The following PXDNL variants were observed in gnomAD, a reference collection of about 807,000 sequenced individuals.
The protein encoded by PXDNL is peroxidasin like, also known as probable oxidoreductase PXDNL.
PXDNL carries 145 observed loss-of-function variants against 150.8 expected under a neutral mutation model. The observed-to-expected ratio is 0.96, with a 90% CI of 0.84 to 1.10. The LOEUF is 1.10. PXDNL is among the 50% of genes least tolerant of loss of function. The pLI, the probability that PXDNL is intolerant of heterozygous loss-of-function variation, is 0.00. For synonymous variants in PXDNL, 757 were observed against 725.7 expected (o/e 1.04, Z -0.69); for missense variants, 2,087 against 1,873.9 (o/e 1.11, Z -2.10).
At chr8:51,766,536 C>G (rs1386056806) in intron 1 of PXDNL, among the ~76,000 whole-genome samples, 1 of 152,104 alleles carries the variant, frequency 6.6e-6, no homozygotes, top group African/African-American at 2.4e-5. Flanking sequence ...GTGATTAATC[C>G]TCTCCATATC....
chr8:51,562,048 A>ATTGCT lies in PXDNL; in HGVS notation c.309-5138_309-5137insAGCAA, dbSNP rs1812730329. ...TCATTGTTCTTTTTCATATTTCAAT[A>ATTGCT]TTTTCTAAGATGATTATATATTGAT... On this transcript the variant is annotated intron_variant, in intron 3 of 22. Transcript: ENST00000356297. 7.3e-5 allele frequency among the ~76,000 whole-genome samples: 11 copies of ATTGCT among 151,490 alleles called. 1 individual carries two copies. Among genetic ancestry groups the ATTGCT allele is most frequent in the Admixed American group, 7.3e-4 (11 of 15,162 alleles).
At chr8:51,760,335 A>T (rs2037147954) in intron 1 of PXDNL, among the ~76,000 whole-genome samples, 2 of 152,202 alleles carry the variant, frequency 1.3e-5, no homozygotes, top group Admixed American at 1.3e-4. Flanking sequence ...AAGCTCACAA[A>T]GTAGTATGGT....
Position 51,408,316 on chromosome 8 carries a change from C to A in PXDNL, c.3308G>T (p.Gly1103Val), listed in dbSNP as rs771522359. 6.2e-7 allele frequency: 1 copy of A among 1,613,998 alleles called. No homozygotes were observed. The highest frequency in any genetic ancestry group is 2.2e-5 in the East Asian group (1 of 44,874). ...CCATTTAGCAGCCACGCCAAACAGC[C>A]CCCGGAGAACCGGGTCTATCCCACC... ...KEGGIDPVLR[G>V]LFGVAAKWRA... The change falls in exon 17 of 23, where the codon GGG becomes GTG. Residue 1103 changes from glycine (G) to valine (V), a missense_variant. Gly to Val is a moderately radical substitution (Grantham distance 109, BLOSUM62 -3). Transcript: ENST00000356297.
Position 51,408,370 on chromosome 8 carries a change from A to G in PXDNL, c.3254T>C (p.Leu1085Pro), listed in dbSNP as rs1189714745. 8.1e-6 allele frequency: 13 copies of G among 1,614,042 alleles called. No homozygotes were observed. The highest frequency in any genetic ancestry group is 3.3e-5 in the Admixed American group (2 of 60,032). Residue 1085 changes from leucine (L) to proline (P), a missense_variant, in exon 17 of 23, where the codon CTC becomes CCC. By Grantham distance (98) the Leu-to-Pro change is moderately conservative. Transcript: ENST00000356297. ...CTTGATTATTCTGGACGGTGAAAAG[A>G]GCGCTTTATGGAACGGAAGGTGGCC... ...SEGHLPFHKA[L>P]FSPSRIIKEG...
At chr8:51,510,530 C>T (rs190631550) in intron 4 of PXDNL, among the ~76,000 whole-genome samples, 2 of 152,206 alleles carry the variant, frequency 1.3e-5, no homozygotes, top group Admixed American at 6.5e-5. Context: ...ACAGCAGGGG[C>T]ATAGGACAAA....
chr8:51,596,301 G>A (rs964763627), intron 2 of PXDNL, among the ~76,000 whole-genome samples: 3 of 152,150 alleles, frequency 2.0e-5, no homozygotes, highest in African/African-American at 7.2e-5. Context: ...GTCTACCACT[G>A]ATGAACACCT....
intron 2 of PXDNL, among the ~76,000 whole-genome samples, chr8:51,639,219 T>C (rs1486527600): frequency 3.9e-5 from 6 of 152,158 alleles, no homozygotes; most frequent in African/African-American, 9.7e-5. Context: ...GAGGGAAATT[T>C]ATAGCACTAA....
intron 1 of PXDNL, among the ~76,000 whole-genome samples, chr8:51,707,278 C>G (rs1026597650): frequency 2.6e-5 from 4 of 152,142 alleles, no homozygotes; most frequent in African/African-American, 9.7e-5. Flanking sequence ...TTTAGACAAG[C>G]ATGCTTTCAA....
chr8:51,375,989 C>T (rs753072567), intron 17 of PXDNL, among the ~76,000 whole-genome samples: 2 of 152,180 alleles, frequency 1.3e-5, no homozygotes, highest in Non-Finnish European at 2.9e-5. Flanking sequence ...GTTTGCAGAT[C>T]CCTGCTCTAG....
chr8:51,535,917 C>G (rs1465984566), intron 4 of PXDNL, among the ~76,000 whole-genome samples: 1 of 152,188 alleles, frequency 6.6e-6, no homozygotes, highest in Non-Finnish European at 1.5e-5. Context: ...TGCATTCGCT[C>G]TCTTTTACTG....
intron 5 of PXDNL, among the ~76,000 whole-genome samples, chr8:51,490,179 A>AT (rs1360357799): frequency 6.6e-6 from 1 of 152,228 alleles, no homozygotes; most frequent in East Asian, 1.9e-4. Flanking sequence ...ACATGACATT[A>AT]TTTTAAATAA....
intron 12 of PXDNL, among the ~76,000 whole-genome samples, chr8:51,443,839 G>A (rs1189919406): frequency 6.6e-6 from 1 of 152,108 alleles, no homozygotes; most frequent in African/African-American, 2.4e-5. Flanking sequence ...TCAGATAACT[G>A]TAAACATTCC....
chr8:51,571,908 C>T (rs749903502), intron 3 of PXDNL, among the ~76,000 whole-genome samples: 1 of 151,784 alleles, frequency 6.6e-6, no homozygotes, highest in Non-Finnish European at 1.5e-5. Context: ...AAACAATGAT[C>T]AAGAAATGTG....
intron 17 of PXDNL, among the ~76,000 whole-genome samples, chr8:51,388,819 T>A (rs866303612): frequency 6.6e-6 from 1 of 152,216 alleles, no homozygotes; most frequent in Non-Finnish European, 1.5e-5. Flanking sequence ...TCACTATTTT[T>A]TTAATTCAGC....
At chr8:51,696,805 T>TCACACACA (rs769772282) in intron 1 of PXDNL, among the ~76,000 whole-genome samples, 31 of 26,422 alleles carry the variant, frequency 1.2e-3, no homozygotes, top group African/African-American at 7.4e-3. Flanking sequence ...ACATAGGTCT[T>TCACACACA]CACACACACA....
chr8:51,345,996 A>C, intron 19 of PXDNL, 49 bp from the exon 20 acceptor site: 1 of 1,125,074 alleles, frequency 8.9e-7, no homozygotes, highest in Non-Finnish European at 1.4e-6. Flanking sequence ...ATGCGATGTC[A>C]TGATCTCATC....
intron 4 of PXDNL, among the ~76,000 whole-genome samples, chr8:51,524,459 C>A (rs1392089171): frequency 1.3e-5 from 2 of 152,142 alleles, no homozygotes; most frequent in Non-Finnish European, 2.9e-5. Flanking sequence ...GTTATAATAG[C>A]TTTCAAAAAC....
chr8:51,668,097 C>G (rs1377172143), intron 1 of PXDNL, among the ~76,000 whole-genome samples: 1 of 151,334 alleles, frequency 6.6e-6, no homozygotes, highest in East Asian at 1.9e-4. Context: ...AAGAGCCGAC[C>G]AGCTGGGTAT....
chr8:51,432,693 T>A (rs1809280331), intron 12 of PXDNL, among the ~76,000 whole-genome samples: 1 of 152,238 alleles, frequency 6.6e-6, no homozygotes, highest in African/African-American at 2.4e-5. Context: ...CAGTTTTTAC[T>A]TGTTAATGTC....
Sources: gnomAD v4.1 joint callset for allele counts (sites outside exome capture counted in the v4.1 genomes callset) on GRCh38, gnomAD v4.1.1 for gene constraint, MANE v1.5 for transcripts, NCBI Gene and HGNC (gene_info 2026-07-23, HGNC 2026-07-21) for gene names.